PRKAR2A: variants seen among roughly 807,000 people sequenced by gnomAD.
The protein encoded by PRKAR2A is cAMP-dependent protein kinase type II-alpha regulatory subunit.
Under a neutral mutation model 51.9 loss-of-function variants are expected in PRKAR2A, and 29 were observed. The ratio of observed to expected loss-of-function variants is 0.56; its 90% CI spans 0.42 to 0.76. PRKAR2A has a LOEUF of 0.76. PRKAR2A is among the 30% of genes least tolerant of loss of function. The pLI is 0.00. For missense variants in PRKAR2A, 445 were observed against 512.1 expected, an observed-to-expected ratio of 0.87 and a Z score of 1.26; for synonymous variants, 178 against 186.2, an observed-to-expected ratio of 0.96 and a Z score of 0.36.
intron 4 of PRKAR2A, among the ~76,000 whole-genome samples, chr3:48,783,634 G>A (rs1027862058): frequency 1.3e-5 from 2 of 152,156 alleles, no homozygotes; most frequent in East Asian, 3.9e-4. Flanking sequence ...AGGCTGGAGT[G>A]CAGTGGTGTG....
In PRKAR2A at chr3:48,829,589, TATATAC is replaced by T. The variant is rs1202330467; in HGVS notation, c.262+17740_262+17745del. 1.4e-3 allele frequency among the ~76,000 whole-genome samples: 23 copies of T among 16,946 alleles called. 4 individuals carry two copies. The highest frequency in any genetic ancestry group is 2.5e-3 in the Non-Finnish European group (21 of 8,250). The allele number at this position is 16,946 out of a possible 152,430, so 11.1% of individuals were successfully genotyped here. On this transcript the variant is annotated intron_variant, in intron 1 of 10. Coordinates refer to ENST00000265563, the MANE Select transcript of PRKAR2A (RefSeq NM_004157.4). ...ACACACATAAATATATATGTGTGTA[TATATAC>T]ACACACATAAATGTGTGTGTGTATA... is the stretch of plus-strand genomic sequence containing the variant.
chr3:48,782,797 G>T (rs1431981251), intron 5 of PRKAR2A, among the ~76,000 whole-genome samples, 189 bp downstream of exon 5: 1 of 152,182 alleles, frequency 6.6e-6, no homozygotes, highest in Non-Finnish European at 1.5e-5. Flanking sequence ...CTTCAAATAT[G>T]AGTTGTGCTG....
chr3:48,836,497 GTACCA>G, intron 1 of PRKAR2A, among the ~76,000 whole-genome samples: 1 of 134,026 alleles, frequency 7.5e-6, no homozygotes, highest in African/African-American at 2.9e-5. Context: ...AACTCAAAAT[GTACCA>G]AAGACTTAAA....
chr3:48,840,226 A>C (rs1477143843), intron 1 of PRKAR2A, among the ~76,000 whole-genome samples: 1 of 152,186 alleles, frequency 6.6e-6, no homozygotes, highest in East Asian at 1.9e-4. Context: ...ATGGTGGCTC[A>C]TGCCTGTAAT....
At position 48,765,310 on chromosome 3, in the gene PRKAR2A, C is replaced by T; in HGVS notation, c.736G>A (p.Ala246Thr). 1.2e-6 allele frequency: 2 copies of T among 1,612,080 alleles called. No individual in the cohort carries two copies. The highest frequency in any genetic ancestry group is 1.7e-6 in the Non-Finnish European group (2 of 1,179,184). ...TFRRIIVKNN[A>T]KKRKMFESFI... ...GATTCAAACATCTTCCTCTTCTTTG[C>T]ATTATTTTTCACTATGATTCTTCTA... Residue 246 changes from alanine to threonine, a missense_variant, in exon 7 of 11, where the codon GCA (alanine) becomes ACA (threonine). Coordinates refer to ENST00000265563, the MANE Select transcript of PRKAR2A (RefSeq NM_004157.4).
At chr3:48,784,912 G>A (rs1382895051) in intron 4 of PRKAR2A, among the ~76,000 whole-genome samples, 3 of 152,078 alleles carry the variant, frequency 2.0e-5, no homozygotes, top group South Asian at 2.1e-4. Context: ...TGTGATTCAT[G>A]ATGTTAGGTG....
chr3:48,777,531 G>A (rs538673355), intron 5 of PRKAR2A, among the ~76,000 whole-genome samples: 8 of 151,958 alleles, frequency 5.3e-5, no homozygotes, highest in Admixed American at 3.3e-4. Flanking sequence ...TCAGCTTCCC[G>A]AGCAGCTGGG....
At position 48,751,531 on chromosome 3, in the gene PRKAR2A, G is replaced by A. The variant is rs2081647294; in HGVS notation, c.*54C>T. On this transcript the variant is annotated 3_prime_UTR_variant, in exon 11 of 11. Transcript: ENST00000265563. ...TGTCTGTTTTCTGTATGTGTTCTGT[G>A]GCTGACCAGAAGGTTTTGGTGTCAC... 1.9e-6 allele frequency: 3 copies of A among 1,601,622 alleles called. No individual in the cohort carries two copies. Among genetic ancestry groups the A allele is most frequent in the Non-Finnish European group, 2.6e-6 (3 of 1,171,766 alleles).
chr3:48,746,335 A>G (rs896736240), downstream of PRKAR2A, among the ~76,000 whole-genome samples: 6 of 146,312 alleles, frequency 4.1e-5, no homozygotes, highest in African/African-American at 1.5e-4. Context: ...CCTGGACAAC[A>G]TAGTGAGATC....
chr3:48,811,098 GC>G (rs1317588818), intron 1 of PRKAR2A, among the ~76,000 whole-genome samples: 3 of 152,038 alleles, frequency 2.0e-5, no homozygotes, highest in African/African-American at 7.2e-5. Flanking sequence ...GATCCATTGA[GC>G]CCAGGAGGTC....
chr3:48,756,244 CT>C, intron 9 of PRKAR2A, 134 bp downstream of exon 9: 2 of 709,240 alleles, frequency 2.8e-6, no homozygotes, highest in Admixed American at 4.5e-5. Flanking sequence ...ACTAAATGGG[CT>C]TAAACATGGG....
chr3:48,821,447 T>G (rs192730799), intron 1 of PRKAR2A, among the ~76,000 whole-genome samples: 4 of 152,324 alleles, frequency 2.6e-5, no homozygotes, highest in African/African-American at 7.2e-5. Flanking sequence ...CCAAGAATTT[T>G]TAAATATGCA....
At chr3:48,824,084 T>C (rs2083016705) in intron 1 of PRKAR2A, among the ~76,000 whole-genome samples, 1 of 151,830 alleles carries the variant, frequency 6.6e-6, no homozygotes, top group Non-Finnish European at 1.5e-5. Flanking sequence ...CTATTAAAAA[T>C]ACAAAAATTA....
intron 2 of PRKAR2A, 47 bp from the exon 3 acceptor site, chr3:48,794,096 G>A: frequency 7.1e-7 from 1 of 1,411,382 alleles, no homozygotes; most frequent in South Asian, 1.2e-5. Flanking sequence ...TAACAGATGT[G>A]TGGCTTTAGG....
intron 6 of PRKAR2A, among the ~76,000 whole-genome samples, chr3:48,769,461 C>A (rs372374402): frequency 2.6e-5 from 4 of 151,066 alleles, no homozygotes; most frequent in African/African-American, 7.3e-5. Flanking sequence ...CCGACCACAA[C>A]AAATATCTCT....
intron 8 of PRKAR2A, among the ~76,000 whole-genome samples, chr3:48,762,618 G>A (rs2081879728): frequency 6.6e-6 from 1 of 151,940 alleles, no homozygotes; most frequent in Non-Finnish European, 1.5e-5. Context: ...TTGGGCAACA[G>A]GGCAAGACTG....
At chr3:48,827,373 C>T (rs1013370238) in intron 1 of PRKAR2A, among the ~76,000 whole-genome samples, 5 of 149,578 alleles carry the variant, frequency 3.3e-5, no homozygotes, top group African/African-American at 1.2e-4. Flanking sequence ...TAAGAAAGAA[C>T]ATAAGTATGT....
chr3:48,783,603 C>A (rs34037363), intron 4 of PRKAR2A, among the ~76,000 whole-genome samples: 1 of 151,986 alleles, frequency 6.6e-6, no homozygotes, highest in Non-Finnish European at 1.5e-5. Context: ...GTTCTGGAGA[C>A]GGAGTCTCAC....
chr3:48,835,528 C>A (rs982346696), intron 1 of PRKAR2A, among the ~76,000 whole-genome samples: 1 of 151,360 alleles, frequency 6.6e-6, no homozygotes, highest in Non-Finnish European at 1.5e-5. Context: ...GTAGTCCCAG[C>A]TACTCGGGAG....
Sources: gnomAD v4.1 joint callset for allele counts (sites outside exome capture counted in the v4.1 genomes callset) on GRCh38, gnomAD v4.1.1 for gene constraint, MANE v1.5 for transcripts, NCBI Gene and HGNC (gene_info 2026-07-23, HGNC 2026-07-21) for gene names.